APBA2: variants seen among roughly 807,000 people sequenced by gnomAD.
The protein encoded by APBA2 is amyloid-beta A4 precursor protein-binding family A member 2.
APBA2 carries 30 observed loss-of-function variants against 75.0 expected under a neutral mutation model. The observed-to-expected ratio is 0.40, with a 90% CI of 0.30 to 0.54. The LOEUF (loss-of-function observed/expected upper bound fraction) is 0.54, where lower values mean the gene tolerates loss of function less well. APBA2 is among the 20% of genes least tolerant of loss of function. The probability of loss-of-function intolerance (pLI) is 0.49; values close to 1 mark genes in which losing one functional copy is unlikely to be tolerated. For missense variants in APBA2, 801 were observed against 1,016.1 expected (o/e 0.79, Z 2.88); for synonymous variants, 444 against 409.6 (o/e 1.08, Z -1.01).
chr15:28,966,523 T>C (rs1042080632), intron 2 of APBA2, among the ~76,000 whole-genome samples: 10 of 152,206 alleles, frequency 6.6e-5, no homozygotes, highest in African/African-American at 2.4e-4. Context: ...ATGATTAGTG[T>C]TGGCATGACA....
At chr15:28,979,347 T>C (rs545900268) in intron 2 of APBA2, among the ~76,000 whole-genome samples, 97 of 152,306 alleles carry the variant, frequency 6.4e-4, no homozygotes, top group Middle Eastern at 3.4e-3. Context: ...GAACAAATGG[T>C]GTCTGCTGGA....
rs150874259 is a variant in APBA2 at position 29,021,893 on chromosome 15, G to A, written c.-41+26087G>A. Among the ~76,000 whole-genome samples, 18 of 152,090 alleles carry A rather than the reference G, an allele frequency of 1.2e-4. No individual in the cohort carries two copies. The East Asian group carries it at 2.5e-3, about 21-fold the overall frequency. On this transcript the variant is annotated intron_variant, in intron 3 of 14. Coordinates refer to ENST00000683413, the MANE Select transcript of APBA2 (RefSeq NM_001353788.2). Reference sequence around the variant, plus strand: ...ATTCTGAATATAAGTGAGATCATGCGGTATTTATCTTTCTGTGCCTGGCCT... The same window carrying A: ...ATTCTGAATATAAGTGAGATCATGCAGTATTTATCTTTCTGTGCCTGGCCT...
At chr15:28,922,161 C>A (rs546676416) in intron 2 of APBA2, among the ~76,000 whole-genome samples, 1 of 152,252 alleles carries the variant, frequency 6.6e-6, no homozygotes, top group African/African-American at 2.4e-5. Flanking sequence ...TGCACATAGG[C>A]TGGGGGCATC....
intron 8 of APBA2, among the ~76,000 whole-genome samples, chr15:29,095,088 A>G (rs563163865): frequency 6.6e-6 from 1 of 151,758 alleles, no homozygotes; most frequent in East Asian, 1.9e-4. Context: ...AAAAAGAAAC[A>G]AAAAAAGAAA....
chr15:29,084,068 T>C (rs2043189857), intron 6 of APBA2, among the ~76,000 whole-genome samples: 1 of 152,260 alleles, frequency 6.6e-6, no homozygotes, highest in African/African-American at 2.4e-5. Flanking sequence ...TGACTTTCAT[T>C]ATTTTTCAAC....
At chr15:29,013,784 A>G (rs1382876075) in intron 3 of APBA2, among the ~76,000 whole-genome samples, 1 of 152,198 alleles carries the variant, frequency 6.6e-6, no homozygotes, top group Non-Finnish European at 1.5e-5. Flanking sequence ...GGACAGTGTA[A>G]TTACTGGTGC....
intron 3 of APBA2, among the ~76,000 whole-genome samples, chr15:29,028,406 T>C (rs2040331419): frequency 1.3e-5 from 2 of 152,242 alleles, no homozygotes; most frequent in Admixed American, 6.5e-5. Context: ...CAGTCTTTCA[T>C]TGATGGGCAT....
intron 4 of APBA2, among the ~76,000 whole-genome samples, chr15:29,059,785 A>T (rs898158129): frequency 6.6e-6 from 1 of 152,130 alleles, no homozygotes; most frequent in African/African-American, 2.4e-5. Flanking sequence ...GAACATAACT[A>T]TGTGAATGAG....
chr15:28,890,301 C>G (rs1198692532), intron 1 of APBA2, among the ~76,000 whole-genome samples: 1 of 152,154 alleles, frequency 6.6e-6, no homozygotes, highest in Admixed American at 6.5e-5. Context: ...ACTAAGATTC[C>G]TTTTTGGATT....
At chr15:28,957,944 CTG>C (rs2036262111) in intron 2 of APBA2, among the ~76,000 whole-genome samples, 1 of 152,216 alleles carries the variant, frequency 6.6e-6, no homozygotes, top group Non-Finnish European at 1.5e-5. Flanking sequence ...TGGCCTATGA[CTG>C]TGTCCTGCTG....
chr15:29,117,220 C>A lies in APBA2; in HGVS notation c.*87C>A. On this transcript the variant is annotated 3_prime_UTR_variant, in exon 15 of 15. Coordinates refer to ENST00000683413, the MANE Select transcript of APBA2 (RefSeq NM_001353788.2). ...TGGGAGCCGGGCCGCAGACTTGACC[C>A]CGACGCCACAGCCCAGCCACGGACG... The A allele has an allele frequency of 1.6e-6, 2 of 1,283,002 alleles. No individual in the cohort carries two copies. Among genetic ancestry groups the A allele is most frequent in the Non-Finnish European group, 2.3e-6 (2 of 884,242 alleles). The allele number at this position is 1,283,002 out of a possible 1,614,324, so 79.5% of individuals were successfully genotyped here.
At chr15:29,077,018 G>T (rs2042881083) in intron 6 of APBA2, among the ~76,000 whole-genome samples, 1 of 152,114 alleles carries the variant, frequency 6.6e-6, no homozygotes, top group South Asian at 2.1e-4. Flanking sequence ...GTTATAACTG[G>T]CTTAATGCTG....
intron 3 of APBA2, among the ~76,000 whole-genome samples, chr15:29,052,108 G>C (rs898981684): frequency 6.6e-6 from 1 of 152,114 alleles, no homozygotes; most frequent in Admixed American, 6.5e-5. Context: ...CATGTGTAAT[G>C]TAAGAGTACA....
chr15:28,940,385 A>AAAAAAAC (rs2035137959), intron 2 of APBA2, among the ~76,000 whole-genome samples: 1 of 131,144 alleles, frequency 7.6e-6, no homozygotes, highest in Non-Finnish European at 1.6e-5. Flanking sequence ...AAAAAAAAAA[A>AAAAAAAC]AATAGCGGGG....
intron 2 of APBA2, among the ~76,000 whole-genome samples, chr15:28,962,255 A>G (rs1297482371): frequency 2.0e-5 from 3 of 151,918 alleles, no homozygotes; most frequent in Non-Finnish European, 4.4e-5. Flanking sequence ...AAAAATTATA[A>G]TTGTATATAT....
chr15:28,926,299 C>T (rs1329640525), intron 2 of APBA2, among the ~76,000 whole-genome samples: 2 of 152,140 alleles, frequency 1.3e-5, no homozygotes, highest in Non-Finnish European at 1.5e-5. Flanking sequence ...CATTTTATCT[C>T]CTTTCATAGT....
intron 2 of APBA2, among the ~76,000 whole-genome samples, chr15:28,976,254 T>C (rs1199229750): frequency 6.6e-6 from 1 of 152,234 alleles, no homozygotes; most frequent in Non-Finnish European, 1.5e-5. Context: ...CTTTTCTCTA[T>C]GGACAGTATG....
At chr15:28,997,157 G>A (rs1428958060) in intron 3 of APBA2, among the ~76,000 whole-genome samples, 1 of 152,228 alleles carries the variant, frequency 6.6e-6, no homozygotes, top group Non-Finnish European at 1.5e-5. Context: ...CAGTTGGGGA[G>A]CATTCTTGTC....
intron 3 of APBA2, among the ~76,000 whole-genome samples, chr15:29,043,003 A>G (rs1033898757): frequency 4.6e-5 from 7 of 152,322 alleles, no homozygotes; most frequent in African/African-American, 1.7e-4. Flanking sequence ...ATGCAGAGGT[A>G]GACTTTGCCA....
Sources: gnomAD v4.1 joint callset for allele counts (sites outside exome capture counted in the v4.1 genomes callset) on GRCh38, gnomAD v4.1.1 for gene constraint, MANE v1.5 for transcripts, NCBI Gene and HGNC (gene_info 2026-07-23, HGNC 2026-07-21) for gene names.